Variants in COLGALT2 observed in about 807,000 individuals in gnomAD.
COLGALT2 encodes the protein procollagen galactosyltransferase 2.
Under a neutral mutation model 73.4 loss-of-function variants are expected in COLGALT2, and 49 were observed. The ratio of observed to expected loss-of-function variants is 0.67; its 90% CI spans 0.53 to 0.85. COLGALT2 has a LOEUF of 0.85. Ranked by LOEUF, COLGALT2 falls within the 40% of genes least tolerant of loss-of-function variation. The pLI is 0.00. For missense variants in COLGALT2, 722 were observed against 790.2 expected (o/e 0.91, Z 1.03); for synonymous variants, 295 against 307.6 (o/e 0.96, Z 0.43).
intron 1 of COLGALT2, among the ~76,000 whole-genome samples, chr1:183,983,936 G>C (rs1671420039): frequency 6.6e-6 from 1 of 152,250 alleles, no homozygotes; most frequent in Admixed American, 6.5e-5. Flanking sequence ...TTGACAGTCA[G>C]TAATCAAACT....
At position 183,937,151 on chromosome 1, in the gene COLGALT2, A is replaced by G; in HGVS notation, c.*1610T>C. 1.6e-6 allele frequency: 2 copies of G among 1,228,668 alleles called. No homozygotes were observed. The highest frequency in any genetic ancestry group is 8.5e-5 in the South Asian group (2 of 23,460). 76.1% of individuals were successfully genotyped at this position (1,228,668 alleles called of 1,614,324 possible). A position where few individuals can be genotyped will look rare whatever the true frequency, so the allele number is the denominator to read the frequency against. ...TGTATGTAGCACCACCCGCCTGTGG[A>G]CTCTGCTCTGAAGGGCCCTCCCCAT... On this transcript the variant is annotated 3_prime_UTR_variant, in exon 12 of 12. Transcript: ENST00000361927.
In COLGALT2 at chr1:183,937,632, G is replaced by A; in HGVS notation, c.*1129C>T. On this transcript the variant is annotated 3_prime_UTR_variant, in exon 12 of 12. Transcript: ENST00000361927. Reference sequence around the variant, plus strand: ...CAGGCCTCCCCACAAGAGCCTGGCTGGGAAATTCAGGAGAATCAGATTGCC... The same window carrying A: ...CAGGCCTCCCCACAAGAGCCTGGCTAGGAAATTCAGGAGAATCAGATTGCC... 2.0e-6 allele frequency: 2 copies of A among 985,374 alleles called. No individual in the cohort carries two copies. The highest frequency in any genetic ancestry group is 1.7e-5 in the African/African-American group (1 of 57,330). 61.0% of individuals were successfully genotyped at this position (985,374 alleles called of 1,614,324 possible).
chr1:183,996,549 A>G (rs1468558267), intron 1 of COLGALT2, among the ~76,000 whole-genome samples: 1 of 152,246 alleles, frequency 6.6e-6, no homozygotes, highest in East Asian at 1.9e-4. Context: ...ATCTATCCTC[A>G]GACAAAAGTA....
chr1:183,939,654 C>A (rs957291209), intron 11 of COLGALT2, among the ~76,000 whole-genome samples: 1 of 152,150 alleles, frequency 6.6e-6, no homozygotes, highest in South Asian at 2.1e-4. Context: ...CAGTCTCTGA[C>A]ATGTTATATA....
chr1:183,968,757 C>T (rs1670950020), intron 5 of COLGALT2, among the ~76,000 whole-genome samples: 1 of 152,120 alleles, frequency 6.6e-6, no homozygotes, highest in Admixed American at 6.5e-5. Context: ...ACACCTGGGA[C>T]TCCACAATTA....
At chr1:183,994,772 G>A (rs1671728513) in intron 1 of COLGALT2, among the ~76,000 whole-genome samples, 1 of 152,190 alleles carries the variant, frequency 6.6e-6, no homozygotes, top group Admixed American at 6.5e-5. Context: ...CAAATTAAAG[G>A]TGAATTTTCA....
intron 1 of COLGALT2, among the ~76,000 whole-genome samples, chr1:183,992,171 A>G (rs1671646979): frequency 6.6e-6 from 1 of 152,160 alleles, no homozygotes; most frequent in South Asian, 2.1e-4. Flanking sequence ...TCTCCATTAT[A>G]CAGAGGAGGA....
At chr1:183,978,351 G>A (rs1169001211) in intron 2 of COLGALT2, 59 bp downstream of exon 2, 3 of 921,898 alleles carry the variant, frequency 3.3e-6, no homozygotes, top group African/African-American at 3.3e-5. Flanking sequence ...AAGCCCTAAA[G>A]AGCTAGTTAA....
chr1:183,944,469 T>C, intron 9 of COLGALT2, 146 bp from the exon 10 acceptor site: 1 of 862,248 alleles, frequency 1.2e-6, no homozygotes, highest in Non-Finnish European at 1.7e-6. Flanking sequence ...GTAGAATAGA[T>C]AATAAACTTT....
At chr1:183,975,695 A>G (rs1053042868) in intron 2 of COLGALT2, among the ~76,000 whole-genome samples, 1 of 152,256 alleles carries the variant, frequency 6.6e-6, no homozygotes, top group Non-Finnish European at 1.5e-5. Context: ...TGGAGTCTCC[A>G]CAAATGATTC....
chr1:184,034,252 G>A (rs1250496304), intron 1 of COLGALT2, among the ~76,000 whole-genome samples: 1 of 151,222 alleles, frequency 6.6e-6, no homozygotes, highest in Non-Finnish European at 1.5e-5. Context: ...CTCCCTGAGA[G>A]AAAACTCTGG....
rs772709921 is a variant in COLGALT2, at chr1:183,975,192, G to A, written c.397C>T (p.Pro133Ser). The A allele has an allele frequency of 6.2e-7, 1 of 1,613,680 alleles. No individual in the cohort carries two copies. Among genetic ancestry groups the A allele is most frequent in the Non-Finnish European group, 8.5e-7 (1 of 1,179,706 alleles). ...EPESYPDEIG[P>S]KHWPTSRFAH... ...AACCGGGAGGTTGGCCAGTGCTTTGGTCCAATTTCATCAGGGTAAGACCTA... is the reference window on the plus strand; with the variant it reads ...AACCGGGAGGTTGGCCAGTGCTTTGATCCAATTTCATCAGGGTAAGACCTA... The change falls in exon 3 of 12, where the codon CCA (proline) becomes TCA (serine). Residue 133 changes from proline (P) to serine (S), a missense_variant. Coordinates refer to ENST00000361927, the MANE Select transcript of COLGALT2 (RefSeq NM_015101.4).
chr1:184,036,918 C>T (rs534353544), intron 1 of COLGALT2, among the ~76,000 whole-genome samples, 177 bp downstream of exon 1: 2 of 152,268 alleles, frequency 1.3e-5, no homozygotes, highest in Admixed American at 6.5e-5. Context: ...AGCCTGACCG[C>T]CCGATCCGCC....
At chr1:183,998,249 T>C (rs1303898361) in intron 1 of COLGALT2, among the ~76,000 whole-genome samples, 1 of 152,226 alleles carries the variant, frequency 6.6e-6, no homozygotes, top group African/African-American at 2.4e-5. Context: ...TGCATCTCCT[T>C]ATTACTTATC....
chr1:183,949,501 G>A (rs1670338641), intron 8 of COLGALT2, among the ~76,000 whole-genome samples: 1 of 152,164 alleles, frequency 6.6e-6, no homozygotes, highest in Admixed American at 6.5e-5. Context: ...TTTAACAAAT[G>A]GTGAAGGGAC....
At chr1:184,005,065 T>C (rs182866631) in intron 1 of COLGALT2, among the ~76,000 whole-genome samples, 1 of 152,240 alleles carries the variant, frequency 6.6e-6, no homozygotes, top group East Asian at 1.9e-4. Context: ...GATGGAATGC[T>C]GGCTGAGGGC....
At position 184,037,425 on chromosome 1, in the gene COLGALT2, C is replaced by G; in HGVS notation, c.-68G>C. The G allele has an allele frequency of 7.9e-7, 1 of 1,267,602 alleles. No homozygotes were observed. Among genetic ancestry groups the G allele is most frequent in the Non-Finnish European group, 9.9e-7 (1 of 1,010,012 alleles). 78.5% of individuals were successfully genotyped at this position (1,267,602 alleles called of 1,614,324 possible). The stretch of plus-strand genomic sequence containing the variant: ...GCCCGGCTGGGCTGCCTGAGGGCGG[C>G]GGCGGCTGCCGGGGAGCAAGGGGCT... On this transcript the variant is annotated 5_prime_UTR_variant, in exon 1 of 12. Coordinates refer to ENST00000361927, the MANE Select transcript of COLGALT2 (RefSeq NM_015101.4).
rs1649735239 is a variant in COLGALT2 at position 184,037,543 on chromosome 1, C to G, written c.-186G>C. The G allele has an allele frequency of 8.9e-7, 1 of 1,128,724 alleles. No individual in the cohort carries two copies. Among genetic ancestry groups the G allele is most frequent in the Non-Finnish European group, 1.1e-6 (1 of 923,420 alleles). 69.9% of individuals were successfully genotyped at this position (1,128,724 alleles called of 1,614,324 possible). ...GGTTCCCAGGACCCTCCCGCCGCCG[C>G]TGCACCGCCCAGGCCCCAGTGCGGG... On this transcript the variant is annotated 5_prime_UTR_variant, in exon 1 of 12. Transcript: ENST00000361927.
Position 183,951,095 on chromosome 1 carries a change from T to C in COLGALT2, c.1048A>G (p.Lys350Glu). 1 of 1,613,494 alleles carries C rather than the reference T, an allele frequency of 6.2e-7. No homozygotes were observed. Residue 350 changes from lysine to glutamate, a missense_variant, in exon 8 of 12, where the codon AAA (lysine) becomes GAA (glutamate). Physicochemically the swap from Lys to Glu is moderately conservative, Grantham distance 56. Coordinates refer to ENST00000361927, the MANE Select transcript of COLGALT2 (RefSeq NM_015101.4). The part of the protein sequence containing the change: ...GFDEIFMINL[K>E]RRKDRRDRML... Reference sequence around the variant, plus strand: ...CGGTCCCGCCTGTCCTTTCTGCGTTTGAGGTTTATCATGAAAATCTAATGC... The same window carrying C: ...CGGTCCCGCCTGTCCTTTCTGCGTTCGAGGTTTATCATGAAAATCTAATGC...
Sources: gnomAD v4.1 joint callset for allele counts (sites outside exome capture counted in the v4.1 genomes callset) on GRCh38, gnomAD v4.1.1 for gene constraint, MANE v1.5 for transcripts, NCBI Gene and HGNC (gene_info 2026-07-23, HGNC 2026-07-21) for gene names.